ABCA12: variants seen among roughly 807,000 people sequenced by gnomAD.
ABCA12 encodes glucosylceramide transporter ABCA12.
In ABCA12, 156 loss-of-function variants were observed where a neutral mutation model predicts 293.5. The ratio of observed to expected loss-of-function variants is 0.53; its 90% confidence interval spans 0.47 to 0.61. ABCA12 has a LOEUF of 0.61. Ranked by LOEUF, ABCA12 falls within the 20% of genes least tolerant of loss-of-function variation. The probability of loss-of-function intolerance (pLI) is 0.00; values close to 1 mark genes in which losing one functional copy is unlikely to be tolerated. For synonymous variants in ABCA12, 1,063 were observed against 1,108.0 expected (o/e 0.96, Z 0.81); for missense variants, 2,797 against 3,090.2 (o/e 0.91, Z 2.25).
rs1698620875 is a variant in ABCA12 at position 214,947,540 on chromosome 2, A to T, written c.7121T>A (p.Leu2374His). 1.2e-6 allele frequency: 2 copies of T among 1,613,938 alleles called. No individual in the cohort carries two copies. Among genetic ancestry groups the T allele is most frequent in the Non-Finnish European group, 1.7e-6 (2 of 1,179,886 alleles). Reference sequence around the variant, plus strand: ...GAAGGGCATCAGGTGAAGTCTCCTAAGGAGTTTATGAACAGTCTGTAGGCA... The same window carrying T: ...GAAGGGCATCAGGTGAAGTCTCCTATGGAGTTTATGAACAGTCTGTAGGCA... ...KDIKETVHKL[L>H]RRLHLMPFKD... Residue 2374 changes from leucine to histidine, a missense_variant, in exon 48 of 53, where the codon CTT becomes CAT. By Grantham distance (99) the Leu-to-His change is moderately conservative. Coordinates refer to ENST00000272895, the MANE Select transcript of ABCA12 (RefSeq NM_173076.3).
At chr2:214,999,646 T>C (rs1185200778) in intron 22 of ABCA12, 3 of 271,484 alleles carry the variant, frequency 1.1e-5, no homozygotes, top group Admixed American at 1.3e-4. Flanking sequence ...TAGATAAGAA[T>C]TATAACTTCA....
At chr2:215,071,875 G>T (rs186619706) in intron 2 of ABCA12, among the ~76,000 whole-genome samples, 51 of 152,296 alleles carry the variant, frequency 3.3e-4, no homozygotes, top group African/African-American at 9.1e-4. Context: ...GCATGATGAT[G>T]CACTTCTCTT....
rs1417208185 is a variant in ABCA12 at position 214,937,597 on chromosome 2, A to G, written c.7455T>C (p.Thr2485=). Residue 2485 remains threonine (T), a synonymous_variant, in exon 51 of 53, where the codon ACT becomes ACC. Coordinates refer to ENST00000272895, the MANE Select transcript of ABCA12 (RefSeq NM_173076.3). ...TGTTATTCTTCAAGTGAACTTTGACAGTAAATCCTCGTCCAAACCTAGAAA... is the reference window on the plus strand; with the variant it reads ...TGTTATTCTTCAAGTGAACTTTGACGGTAAATCCTCGTCCAAACCTAGAAA... ...HIKSRFGRGF[T]VKVHLKNNKV... is the part of the protein sequence containing the mutation. The G allele has an allele frequency of 6.2e-7, 1 of 1,613,844 alleles. No individual in the cohort carries two copies. The highest frequency in any genetic ancestry group is 1.3e-5 in the African/African-American group (1 of 75,042).
At chr2:214,947,834 T>C in intron 47 of ABCA12, 1 of 421,676 alleles carries the variant, frequency 2.4e-6, no homozygotes, top group South Asian at 2.2e-5. Context: ...GATTGAACTT[T>C]TTGCTGCATT....
chr2:215,051,333 G>A (rs1701315514), intron 5 of ABCA12, among the ~76,000 whole-genome samples: 1 of 152,072 alleles, frequency 6.6e-6, no homozygotes. Flanking sequence ...TGGACAGATT[G>A]AAAGGTCCTC....
Position 214,945,242 on chromosome 2 carries a change from AGACTTC to A in ABCA12, c.7240-144_7240-139del, listed in dbSNP as rs1297469807. On this transcript the variant is annotated intron_variant, in intron 48 of 52. Transcript: ENST00000272895. The stretch of plus-strand genomic sequence containing the variant: ...GTGACTAACTTGTTTTATACTTAAT[AGACTTC>A]TTTCTGCTGCTGTCAAAAAGTTCAA... The A allele has an allele frequency of 4.3e-6, 3 of 696,072 alleles. No individual in the cohort carries two copies. The African/African-American group carries it at 5.4e-5, about 12-fold the overall frequency. 43.1% of individuals were successfully genotyped at this position (696,072 alleles called of 1,614,324 possible). A position where few individuals can be genotyped will look rare whatever the true frequency, so the allele number is the denominator to read the frequency against.
At chr2:215,046,834 A>C (rs10191703) in intron 6 of ABCA12, among the ~76,000 whole-genome samples, 21,882 of 152,068 alleles carry the variant, frequency 0.14, 4,756 homozygotes, top group African/African-American at 0.47. Context: ...AAATGCCCAT[A>C]AATGATAGAC....
At chr2:215,010,716 A>C (rs1700353370) in intron 17 of ABCA12, among the ~76,000 whole-genome samples, 1 of 152,202 alleles carries the variant, frequency 6.6e-6, no homozygotes, top group Non-Finnish European at 1.5e-5. Context: ...CCAGGAGGAA[A>C]TAGAAAACGT....
At chr2:215,016,678 T>C (rs1700513960) in intron 14 of ABCA12, among the ~76,000 whole-genome samples, 1 of 149,830 alleles carries the variant, frequency 6.7e-6, no homozygotes, top group South Asian at 2.1e-4. Flanking sequence ...TTTGTAATCA[T>C]TCAAAATTAA....
chr2:215,063,305 C>A (rs147977931), intron 3 of ABCA12, among the ~76,000 whole-genome samples: 2 of 152,000 alleles, frequency 1.3e-5, no homozygotes, highest in African/African-American at 4.8e-5. Context: ...TAAATATCTA[C>A]GATTATAGAT....
chr2:215,066,904 G>C (rs1000225019), intron 2 of ABCA12, among the ~76,000 whole-genome samples: 5 of 152,096 alleles, frequency 3.3e-5, no homozygotes, highest in Admixed American at 6.6e-5. Flanking sequence ...AGTATCTACT[G>C]TATCCCATGT....
chr2:214,942,546 G>C (rs898727651), intron 50 of ABCA12, among the ~76,000 whole-genome samples: 1 of 152,122 alleles, frequency 6.6e-6, no homozygotes, highest in Non-Finnish European at 1.5e-5. Context: ...GAACATGCTA[G>C]ATACAATCTA....
At chr2:214,959,803 C>A (rs1213298654) in intron 39 of ABCA12, among the ~76,000 whole-genome samples, 1 of 152,146 alleles carries the variant, frequency 6.6e-6, no homozygotes, top group African/African-American at 2.4e-5. Flanking sequence ...AGGCTCTTTT[C>A]TTCCCTTCCT....
intron 11 of ABCA12, among the ~76,000 whole-genome samples, chr2:215,021,302 C>G (rs1219743008): frequency 2.6e-5 from 4 of 152,186 alleles, no homozygotes; most frequent in Non-Finnish European, 5.9e-5. Context: ...GTTATTTTCT[C>G]TCTTAGGTAT....
intron 46 of ABCA12, 33 bp downstream of exon 46, chr2:214,949,007 T>C: frequency 6.6e-7 from 1 of 1,514,804 alleles, no homozygotes; most frequent in Non-Finnish European, 9.2e-7. Context: ...AAGTATGTTG[T>C]ACTCGCTAAA....
intron 1 of ABCA12, among the ~76,000 whole-genome samples, chr2:215,125,842 G>A (rs895113068): frequency 7.9e-5 from 12 of 152,236 alleles, no homozygotes; most frequent in African/African-American, 2.6e-4. Context: ...TTGAAGAGGC[G>A]TGGTGAGAGT....
At chr2:214,941,433 C>T (rs1011596824) in intron 50 of ABCA12, among the ~76,000 whole-genome samples, 1 of 152,030 alleles carries the variant, frequency 6.6e-6, no homozygotes, top group Non-Finnish European at 1.5e-5. Flanking sequence ...CTGTTGATTT[C>T]GGGTGGAGAG....
intron 9 of ABCA12, 88 bp from the exon 10 acceptor site, chr2:215,027,026 G>A: frequency 1.0e-6 from 1 of 983,196 alleles, no homozygotes. Flanking sequence ...CCCTTGTTTG[G>A]CATTGGTTGA....
chr2:214,992,462 G>GAAA (rs35911401), intron 23 of ABCA12, among the ~76,000 whole-genome samples: 9 of 77,364 alleles, frequency 1.2e-4, no homozygotes, highest in South Asian at 6.6e-4. Context: ...AAAAAAAAAT[G>GAAA]AAAAAAAAAA....
Sources: allele counts gnomAD v4.1 joint callset (sites outside exome capture counted in the v4.1 genomes callset), GRCh38; gene constraint gnomAD v4.1.1; transcripts MANE v1.5; gene names NCBI Gene and HGNC (gene_info 2026-07-23, HGNC 2026-07-21).